Variants in GLIPR1L1 observed in about 807,000 individuals in gnomAD.
GLIPR1L1 encodes GLIPR1 like 1.
GLIPR1L1 carries 26 observed loss-of-function variants against 29.9 expected under a neutral mutation model. The ratio of observed to expected loss-of-function variants is 0.87; its 90% CI spans 0.64 to 1.21. GLIPR1L1 has a LOEUF of 1.21. GLIPR1L1 is among the 50% of genes most tolerant of loss of function. The probability of loss-of-function intolerance (pLI) is 0.00; values close to 1 mark genes in which losing one functional copy is unlikely to be tolerated. For synonymous variants in GLIPR1L1, 77 were observed against 97.5 expected, an observed-to-expected ratio of 0.79 and a Z score of 1.24; for missense variants, 305 against 290.3, an observed-to-expected ratio of 1.05 and a Z score of -0.37.
chr12:75,339,107 G>A (rs1173412609), intron 1 of GLIPR1L1, among the ~76,000 whole-genome samples: 2 of 152,006 alleles, frequency 1.3e-5, no homozygotes, highest in Non-Finnish European at 2.9e-5. Context: ...TATTCCTTTG[G>A]GTACATACCC....
In GLIPR1L1 at chr12:75,347,671, C is replaced by T. The variant is rs760925341; in HGVS notation, c.470C>T (p.Pro157Leu). The T allele has an allele frequency of 1.9e-6, 3 of 1,608,174 alleles. No individual in the cohort carries two copies. The highest frequency in any genetic ancestry group is 2.7e-5 in the African/African-American group (2 of 74,718). The change falls in exon 3 of 6, where the codon CCT becomes CTT. Residue 157 changes from proline (P) to leucine (L), a missense_variant. By Grantham distance (98) the Pro-to-Leu change is moderately conservative (BLOSUM62 -3). Transcript: ENST00000378695. ...GTCGGTTGTGCAGTTGCAATGTGTC[C>T]TAACCTTGGGGGAGCTTCAACTGCA... ...FYVGCAVAMC[P>L]NLGGASTAIF...
chr12:75,367,095 G>T, intron 4 of GLIPR1L1: 1 of 693,080 alleles, frequency 1.4e-6, no homozygotes, highest in South Asian at 1.5e-5. Context: ...GATTAATTTG[G>T]GGAGAAAACG....
At chr12:75,337,598 G>C (rs1015575555) in intron 1 of GLIPR1L1, among the ~76,000 whole-genome samples, 1 of 151,918 alleles carries the variant, frequency 6.6e-6, no homozygotes. Flanking sequence ...TGCATAAAAT[G>C]CACTAGTTTT....
intron 4 of GLIPR1L1, chr12:75,366,696 G>C: frequency 4.1e-6 from 2 of 482,406 alleles, no homozygotes; most frequent in Non-Finnish European, 7.4e-6. Context: ...GGGTTTTTTT[G>C]TGTTGCAGAT....
At chr12:75,338,198 C>T (rs984418845) in intron 1 of GLIPR1L1, among the ~76,000 whole-genome samples, 2 of 152,012 alleles carry the variant, frequency 1.3e-5, no homozygotes, top group African/African-American at 4.8e-5. Context: ...AAATCTTCAA[C>T]AAAATTATAA....
chr12:75,353,281 C>A (rs1397564949), intron 3 of GLIPR1L1, among the ~76,000 whole-genome samples: 1 of 151,982 alleles, frequency 6.6e-6, no homozygotes, highest in African/African-American at 2.4e-5. Flanking sequence ...AGAGAAGAAT[C>A]AAATAGACAC....
At chr12:75,342,119 A>G (rs995239736) in intron 1 of GLIPR1L1, among the ~76,000 whole-genome samples, 5 of 152,188 alleles carry the variant, frequency 3.3e-5, no homozygotes, top group Non-Finnish European at 5.9e-5. Flanking sequence ...GGGGTTAAAG[A>G]TAGTGTGGGT....
intron 3 of GLIPR1L1, 28 bp from the exon 4 acceptor site, chr12:75,363,074 G>C: frequency 1.6e-6 from 2 of 1,212,892 alleles, no homozygotes; most frequent in Non-Finnish European, 2.3e-6. Context: ...ACAGCCATTT[G>C]GCTAATCAAT....
intron 2 of GLIPR1L1, among the ~76,000 whole-genome samples, chr12:75,345,812 AAAAACAAAC>A (rs546862639): frequency 1.3e-4 from 20 of 152,340 alleles, no homozygotes; most frequent in African/African-American, 3.1e-4. Flanking sequence ...TGTAAAGTAA[AAAAACAAAC>A]AAAACAAACA....
intron 3 of GLIPR1L1, among the ~76,000 whole-genome samples, chr12:75,349,739 T>C (rs1025308779): frequency 1.3e-5 from 2 of 152,042 alleles, no homozygotes; most frequent in African/African-American, 4.8e-5. Context: ...ACATTAGAAA[T>C]TATCCAAGAC....
chr12:75,368,993 CTT>C (rs1249766766), intron 4 of GLIPR1L1, among the ~76,000 whole-genome samples: 1 of 151,794 alleles, frequency 6.6e-6, no homozygotes, highest in Non-Finnish European at 1.5e-5. Flanking sequence ...TGTTCTATGA[CTT>C]TTGACTTGTA....
intron 3 of GLIPR1L1, among the ~76,000 whole-genome samples, chr12:75,354,619 G>C (rs911198204): frequency 2.5e-4 from 38 of 152,094 alleles, no homozygotes; most frequent in African/African-American, 8.2e-4. Context: ...CACAGAATTA[G>C]AAAAAACTAT....
At chr12:75,342,963 A>T (rs1044294228) in intron 1 of GLIPR1L1, among the ~76,000 whole-genome samples, 1 of 151,572 alleles carries the variant, frequency 6.6e-6, no homozygotes, top group African/African-American at 2.4e-5. Flanking sequence ...TATATAATAG[A>T]TTTTGCATAT....
chr12:75,343,465 G>C (rs1197281827), intron 1 of GLIPR1L1, among the ~76,000 whole-genome samples: 1 of 151,954 alleles, frequency 6.6e-6, no homozygotes, highest in Non-Finnish European at 1.5e-5. Flanking sequence ...CAGGCCATCT[G>C]CTAAGTACAG....
intron 3 of GLIPR1L1, among the ~76,000 whole-genome samples, chr12:75,359,655 TAC>T (rs1018578858): frequency 3.3e-5 from 5 of 152,188 alleles, no homozygotes; most frequent in African/African-American, 9.6e-5. Context: ...TGAAATAGAA[TAC>T]AGAGATCAGA....
In GLIPR1L1 at chr12:75,343,932, T is replaced by A. The variant is rs771586842; in HGVS notation, c.414T>A (p.Tyr138Ter). The A allele has an allele frequency of 6.2e-7, 1 of 1,605,626 alleles. No individual in the cohort carries two copies. Among genetic ancestry groups the A allele is most frequent in the African/African-American group, 1.3e-5 (1 of 74,692 alleles). Reference sequence around the variant, plus strand: ...CATGCTCCAGAGTCTGTGGCCATTATACACAGGTAAATATTTGACATCTTT... The same window carrying A: ...CATGCTCCAGAGTCTGTGGCCATTAAACACAGGTAAATATTTGACATCTTT... ...SLSCSRVCGHYTQLVWANSFY... is the reference protein window; with the variant it reads ...SLSCSRVCGH Residue 138 changes from tyrosine (Y) to a stop codon, truncating the protein, a stop_gained, in exon 2 of 6, where the codon TAT (tyrosine) becomes TAA (stop). Transcript: ENST00000378695. LOFTEE classifies it high-confidence loss of function.
At position 75,343,694 on chromosome 12, in the gene GLIPR1L1, T is replaced by C. The variant is rs779179589; in HGVS notation, c.176T>C (p.Ile59Thr). 1.9e-6 allele frequency: 3 copies of C among 1,592,014 alleles called. No individual in the cohort carries two copies. In the South Asian group the frequency reaches 3.4e-5, roughly 18 times the overall value. ...NPPAADMKYM[I>T]WDKGLAKMAK... ...ATTTAAATTATTTTTATCTTTCAGATTTGGGATAAAGGTTTAGCAAAGATG... is the reference window on the plus strand; with the variant it reads ...ATTTAAATTATTTTTATCTTTCAGACTTGGGATAAAGGTTTAGCAAAGATG... The change falls in exon 2 of 6, where the codon ATT becomes ACT. Residue 59 changes from isoleucine to threonine, a missense_variant and splice_region_variant. Ile to Thr is a moderately conservative substitution (Grantham distance 89). Transcript: ENST00000378695.
rs540865178 is a variant in GLIPR1L1 at position 75,343,560 on chromosome 12, T to C, written c.175-133T>C. On this transcript the variant is annotated intron_variant, in intron 1 of 5. Transcript: ENST00000378695. Reference sequence around the variant, plus strand: ...AAAAAGAAATCACTAACTATGCACATAATAAATACCAAAGAAAAACTACAT... The same window carrying C: ...AAAAAGAAATCACTAACTATGCACACAATAAATACCAAAGAAAAACTACAT... 2.3e-5 allele frequency: 16 copies of C among 704,478 alleles called. No homozygotes were observed. The East Asian group carries it at 2.5e-4, about 11-fold the overall frequency. The allele number at this position is 704,478 out of a possible 1,614,324, so 43.6% of individuals were successfully genotyped here. A position where few individuals can be genotyped will look rare whatever the true frequency, so the allele number is the denominator to read the frequency against.
intron 3 of GLIPR1L1, among the ~76,000 whole-genome samples, chr12:75,362,008 A>T (rs1449294479): frequency 6.6e-6 from 1 of 152,190 alleles, no homozygotes; most frequent in Non-Finnish European, 1.5e-5. Flanking sequence ...TAAAACAATG[A>T]TATATAAATT....
Sources: allele counts gnomAD v4.1 joint callset (sites outside exome capture counted in the v4.1 genomes callset), GRCh38; gene constraint gnomAD v4.1.1; transcripts MANE v1.5; gene names NCBI Gene and HGNC (gene_info 2026-07-23, HGNC 2026-07-21).